The following SEZ6 variants were observed in gnomAD, a reference collection of about 807,000 sequenced individuals.
The protein encoded by SEZ6 is seizure related 6 homolog, also known as seizure protein 6 homolog.
A neutral mutation model predicts 101.0 loss-of-function variants in SEZ6; 53 were observed. The ratio of observed to expected loss-of-function variants is 0.52; its 90% CI spans 0.42 to 0.66. The LOEUF is 0.66. Among genes scored for constraint, SEZ6 ranks in the 30% least tolerant of loss-of-function variants. The probability of loss-of-function intolerance (pLI) is 0.00; values close to 1 mark genes in which losing one functional copy is unlikely to be tolerated. For missense variants in SEZ6, 1,102 were observed against 1,289.4 expected, an observed-to-expected ratio of 0.85 and a Z score of 2.23; for synonymous variants, 488 against 512.2, an observed-to-expected ratio of 0.95 and a Z score of 0.64.
At chr17:28,990,827 A>AG in intron 1 of SEZ6, among the ~76,000 whole-genome samples, 1 of 152,238 alleles carries the variant, frequency 6.6e-6, no homozygotes, top group South Asian at 2.1e-4. Context: ...AACCAAAAAA[A>AG]CACCAAAACC....
intron 11 of SEZ6, 187 bp downstream of exon 11, chr17:28,957,754 AATACTT>A (rs1202569744): frequency 2.3e-6 from 2 of 852,594 alleles, no homozygotes; most frequent in African/African-American, 3.4e-5. Flanking sequence ...CCAGGAATGA[AATACTT>A]AGAGTACGTG....
intron 1 of SEZ6, among the ~76,000 whole-genome samples, chr17:28,989,393 G>A (rs1049604540): frequency 2.6e-5 from 4 of 152,128 alleles, no homozygotes; most frequent in Admixed American, 6.5e-5. Flanking sequence ...TTGTAGATGA[G>A]GACACTGAGA....
rs756614368 is a variant in SEZ6 at position 28,959,458 on chromosome 17, C to T, written c.1786G>A (p.Glu596Lys). ...ACCACGCCAGCCGAGTCTGTGATCT[C>T]CCCGCTGCACACGGCTGGAAGGCAG... Reference protein sequence around the residue: ...EPACRAVCSGEITDSAGVVLS... With the variant: ...EPACRAVCSGKITDSAGVVLS... The change falls in exon 9 of 17, where the codon GAG (glutamate) becomes AAG (lysine). Residue 596 changes from glutamate (E) to lysine (K), a missense_variant. Physicochemically the swap from Glu to Lys is moderately conservative, Grantham distance 56. Coordinates refer to ENST00000317338, the MANE Select transcript of SEZ6 (RefSeq NM_178860.5). The surrounding 1 kb of genome is among the most constrained non-coding windows in gnomAD (Gnocchi z 4.4). 1.2e-6 allele frequency: 2 copies of T among 1,613,396 alleles called. No homozygotes were observed. Among genetic ancestry groups the T allele is most frequent in the Non-Finnish European group, 1.7e-6 (2 of 1,179,866 alleles).
chr17:28,971,283 T>G (rs970424829), intron 3 of SEZ6, among the ~76,000 whole-genome samples: 4 of 152,170 alleles, frequency 2.6e-5, no homozygotes, highest in Non-Finnish European at 4.4e-5. Flanking sequence ...CAGCCTCACC[T>G]GGGAACTTGT....
In SEZ6 at chr17:28,979,802, A is replaced by G. The variant is rs201690901; in HGVS notation, c.736T>C (p.Trp246Arg). The change falls in exon 3 of 17, where the codon TGG (tryptophan) becomes CGG (arginine). Residue 246 changes from tryptophan to arginine, a missense_variant. Physicochemically the swap from Trp to Arg is moderately radical, Grantham distance 101 (BLOSUM62 -3). This residue lies in a region of SEZ6 where 406 missense variants were observed against 418.6 expected (regional missense o/e 0.97). Transcript: ENST00000317338. ...TTVQTPGPCS[W>R]NFSGPEGSLD... Reference sequence around the variant, plus strand: ...GAGCCCTCTGGGCCTGAGAAATTCCAGCTACAAGGGCCTGGGAGGCAGGAG... The same window carrying G: ...GAGCCCTCTGGGCCTGAGAAATTCCGGCTACAAGGGCCTGGGAGGCAGGAG... The G allele has an allele frequency of 6.4e-4, 1,030 of 1,610,330 alleles. No individual in the cohort carries two copies. Among genetic ancestry groups the G allele is most frequent in the Non-Finnish European group, 8.2e-4 (971 of 1,178,396 alleles).
intron 1 of SEZ6, among the ~76,000 whole-genome samples, chr17:28,984,249 G>A (rs958077501): frequency 6.6e-6 from 1 of 152,180 alleles, no homozygotes; most frequent in African/African-American, 2.4e-5. Context: ...TGCCAGAACA[G>A]GGCTCCTCTT....
At position 28,956,460 on chromosome 17, in the gene SEZ6, C is replaced by T. The variant is rs1158390445; in HGVS notation, c.2739G>A (p.Lys913=). 3 of 1,553,714 alleles carry T rather than the reference C, an allele frequency of 1.9e-6. No homozygotes were observed. The highest frequency in any genetic ancestry group is 1.7e-6 in the Non-Finnish European group (2 of 1,149,296). Residue 913 remains lysine, a synonymous_variant, in exon 15 of 17, where the codon AAG becomes AAA. Transcript: ENST00000317338. ...FYNSRSLDVA[K]APAASSTLDA... The stretch of plus-strand genomic sequence containing the variant: ...CCAGGGTGCTGGAGGCAGCAGGTGC[C>T]TTGGCAACTGAAGACACAGAGGGTG...
At chr17:28,974,342 C>T (rs931261109) in intron 3 of SEZ6, among the ~76,000 whole-genome samples, 5 of 152,150 alleles carry the variant, frequency 3.3e-5, no homozygotes, top group Non-Finnish European at 5.9e-5. Context: ...TGTCATGGCA[C>T]GTGCACTTCC....
chr17:28,956,723 C>G lies in SEZ6; in HGVS notation c.2727G>C (p.Leu909=). Residue 909 remains leucine (L), a synonymous_variant, in exon 14 of 17, where the codon CTG becomes CTC. Coordinates refer to ENST00000317338, the MANE Select transcript of SEZ6 (RefSeq NM_178860.5). ...GCCTCAAGGGTGGAGACTTACCATC[C>G]AGGCTGCGACTGTTGTAGAACCCAT... is the stretch of plus-strand genomic sequence containing the variant. ...SLDGFYNSRS[L]DVAKAPAASS... 2 of 1,562,054 alleles carry G rather than the reference C, an allele frequency of 1.3e-6. No homozygotes were observed. The highest frequency in any genetic ancestry group is 1.7e-6 in the Non-Finnish European group (2 of 1,152,918).
intron 1 of SEZ6, among the ~76,000 whole-genome samples, chr17:28,988,134 C>A (rs2041407752): frequency 6.6e-6 from 1 of 152,154 alleles, no homozygotes; most frequent in African/African-American, 2.4e-5. Flanking sequence ...CCGTTTTGGC[C>A]CCAATTGCTC....
At chr17:29,000,830 A>G (rs8069225) in intron 1 of SEZ6, among the ~76,000 whole-genome samples, 13,635 of 149,654 alleles carry the variant, frequency 0.091, 1,987 homozygotes, top group African/African-American at 0.31. Context: ...TGGCTGTTAT[A>G]GGGGGGGTGG....
intron 4 of SEZ6, among the ~76,000 whole-genome samples, chr17:28,964,393 T>G (rs1277810158): frequency 6.6e-6 from 1 of 152,240 alleles, no homozygotes; most frequent in Non-Finnish European, 1.5e-5. Context: ...TGGCTCAAGC[T>G]TTATGACACT....
At chr17:28,997,918 T>C (rs1243237204) in intron 1 of SEZ6, among the ~76,000 whole-genome samples, 1 of 151,992 alleles carries the variant, frequency 6.6e-6, no homozygotes, top group African/African-American at 2.4e-5. Flanking sequence ...CCCCTCCTCC[T>C]TGAGCACAAC....
intron 1 of SEZ6, 45 bp from the exon 2 acceptor site, chr17:28,982,084 G>C (rs772967555): frequency 1.3e-6 from 2 of 1,522,480 alleles, no homozygotes; most frequent in East Asian, 4.5e-5. Context: ...CTGCTCCAGA[G>C]AGCAGCATCA....
rs1194278666 is a variant in SEZ6 at position 29,005,537 on chromosome 17, G to T, written c.55+278C>A. ...GTGAGCGCGTGTGTGCGGGGAGTGGGTGGCGTGATGAATTGCATCAGAGAA... is the reference window on the plus strand; with the variant it reads ...GTGAGCGCGTGTGTGCGGGGAGTGGTTGGCGTGATGAATTGCATCAGAGAA... On this transcript the variant is annotated intron_variant, in intron 1 of 16. Coordinates refer to ENST00000317338, the MANE Select transcript of SEZ6 (RefSeq NM_178860.5). The surrounding 1 kb of genome is among the most constrained non-coding windows in gnomAD (Gnocchi z 4.8). Among the ~76,000 whole-genome samples the T allele has an allele frequency of 2.0e-5, 3 of 152,208 alleles. No individual in the cohort carries two copies. Among genetic ancestry groups the T allele is most frequent in the Non-Finnish European group, 4.4e-5 (3 of 68,042 alleles).
intron 3 of SEZ6, 66 bp from the exon 4 acceptor site, chr17:28,970,018 GC>G: frequency 7.0e-7 from 1 of 1,428,564 alleles, no homozygotes; most frequent in Non-Finnish European, 9.2e-7. Flanking sequence ...GGATCCTGCC[GC>G]CCTCAGGATC....
intron 1 of SEZ6, among the ~76,000 whole-genome samples, chr17:28,985,556 T>G (rs1356810695): frequency 1.3e-5 from 2 of 152,154 alleles, no homozygotes; most frequent in Non-Finnish European, 2.9e-5. Context: ...TTGGAAGGGT[T>G]TTGTGTGAAT....
At chr17:28,962,934 C>T (rs1202719951) in intron 5 of SEZ6, among the ~76,000 whole-genome samples, 1 of 151,952 alleles carries the variant, frequency 6.6e-6, no homozygotes, top group Admixed American at 6.6e-5. Context: ...ACCATCTTGG[C>T]TAACATGGTG....
chr17:28,956,540 A>G, intron 14 of SEZ6, 73 bp from the exon 15 acceptor site: 1 of 1,502,490 alleles, frequency 6.7e-7, no homozygotes, highest in African/African-American at 1.4e-5. Flanking sequence ...ACCTCTGCCC[A>G]AGGGCATCTG....
Sources: allele counts gnomAD v4.1 joint callset (sites outside exome capture counted in the v4.1 genomes callset), GRCh38; gene constraint gnomAD v4.1.1; regional missense constraint gnomAD v4.1.1; non-coding constraint Gnocchi (gnomAD v3.1); transcripts MANE v1.5; gene names NCBI Gene and HGNC (gene_info 2026-07-23, HGNC 2026-07-21).